The following PPFIA1 variants were observed in gnomAD, a reference collection of about 807,000 sequenced individuals.
The protein encoded by PPFIA1 is PPFI scaffold protein A1, also known as liprin-alpha-1.
A neutral mutation model predicts 149.9 loss-of-function variants in PPFIA1; 25 were observed. That is an observed-to-expected ratio of 0.17 (90% CI 0.12 to 0.23). PPFIA1 has a LOEUF of 0.23. Ranked by LOEUF, PPFIA1 falls within the 10% of genes least tolerant of loss-of-function variation. The pLI is 1.00. For missense variants in PPFIA1, 1,362 were observed against 1,506.5 expected (o/e 0.90, Z 1.59); for synonymous variants, 549 against 552.8 (o/e 0.99, Z 0.10).
chr11:70,357,262 A>G (rs1480622594), intron 19 of PPFIA1, among the ~76,000 whole-genome samples: 2 of 152,200 alleles, frequency 1.3e-5, no homozygotes, highest in African/African-American at 4.8e-5. Flanking sequence ...GCCACTTTTA[A>G]GTGCCCTGAG....
chr11:70,286,948 A>ATATACG (rs1422875471), intron 2 of PPFIA1, among the ~76,000 whole-genome samples: 1 of 141,718 alleles, frequency 7.1e-6, no homozygotes, highest in African/African-American at 3.0e-5. Flanking sequence ...ATATATACAC[A>ATATACG]TATACTATAT....
At chr11:70,304,745 C>T (rs554398181) in intron 2 of PPFIA1, among the ~76,000 whole-genome samples, 2 of 152,276 alleles carry the variant, frequency 1.3e-5, no homozygotes, top group South Asian at 4.2e-4. Flanking sequence ...CACACAGCTG[C>T]AGAACTGCAT....
chr11:70,360,285 G>A (rs1267482055), intron 19 of PPFIA1, among the ~76,000 whole-genome samples: 1 of 152,262 alleles, frequency 6.6e-6, no homozygotes, highest in Non-Finnish European at 1.5e-5. Flanking sequence ...CTAGGACAGT[G>A]TACACCAGTC....
At chr11:70,339,626 GT>G (rs11323721) in intron 14 of PPFIA1, among the ~76,000 whole-genome samples, 62,870 of 142,440 alleles carry the variant, frequency 0.44, 14,697 homozygotes, top group African/African-American at 0.64. Flanking sequence ...GGCCTCTGTA[GT>G]TTTTTTTTTT....
intron 8 of PPFIA1, among the ~76,000 whole-genome samples, chr11:70,330,794 G>A (rs541899579): frequency 1.1e-4 from 16 of 152,088 alleles, no homozygotes; most frequent in South Asian, 2.1e-4. Flanking sequence ...TAAATTAGCC[G>A]GGCATGGTGG....
At chr11:70,328,802 T>TG (rs1295416055) in intron 7 of PPFIA1, among the ~76,000 whole-genome samples, 2 of 152,238 alleles carry the variant, frequency 1.3e-5, no homozygotes, top group Non-Finnish European at 2.9e-5. Context: ...ATTGTGGTTT[T>TG]GATTGGCATT....
intron 6 of PPFIA1, 46 bp downstream of exon 6, chr11:70,326,409 C>A: frequency 6.7e-7 from 1 of 1,494,792 alleles, no homozygotes; most frequent in Non-Finnish European, 9.2e-7. Context: ...TTCATTTGTT[C>A]ACAGTATGTG....
chr11:70,377,412 G>T (rs904306991), intron 25 of PPFIA1, among the ~76,000 whole-genome samples: 1 of 152,050 alleles, frequency 6.6e-6, no homozygotes, highest in African/African-American at 2.4e-5. Context: ...CTTAAGAAAA[G>T]TTGAGTTTGA....
rs2057778880 is a variant in PPFIA1 at position 70,383,372 on chromosome 11, C to G, written c.*382C>G. On this transcript the variant is annotated 3_prime_UTR_variant, in exon 28 of 28. Coordinates refer to ENST00000253925, the MANE Select transcript of PPFIA1 (RefSeq NM_003626.5). ...GAATAGAGGGCTTTTGTAAATTATGCATTTATTGTAATTATCATTAATTTT... is the reference window on the plus strand; with the variant it reads ...GAATAGAGGGCTTTTGTAAATTATGGATTTATTGTAATTATCATTAATTTT... 5.6e-6 allele frequency: 1 copy of G among 178,244 alleles called. No individual in the cohort carries two copies. Among genetic ancestry groups the G allele is most frequent in the African/African-American group, 2.4e-5 (1 of 41,506 alleles). 11.0% of individuals were successfully genotyped at this position (178,244 alleles called of 1,614,324 possible).
At chr11:70,364,174 G>A (rs183472313) in intron 21 of PPFIA1, among the ~76,000 whole-genome samples, 1 of 152,268 alleles carries the variant, frequency 6.6e-6, no homozygotes, top group East Asian at 1.9e-4. Flanking sequence ...TGGCCTGTAG[G>A]TGTTTTCCAT....
intron 7 of PPFIA1, 134 bp from the exon 8 acceptor site, chr11:70,330,039 A>G (rs2054560492): frequency 3.9e-6 from 3 of 762,738 alleles, no homozygotes; most frequent in Non-Finnish European, 6.2e-6. Context: ...GAGCTGCTGT[A>G]TCTGGCCTGA....
chr11:70,354,212 G>T (rs113237634), intron 16 of PPFIA1, 89 bp from the exon 17 acceptor site: 11 of 1,374,828 alleles, frequency 8.0e-6, no homozygotes, highest in Middle Eastern at 1.9e-4. Flanking sequence ...ACAGCAAATC[G>T]ATTTTCAAAG....
intron 2 of PPFIA1, among the ~76,000 whole-genome samples, chr11:70,318,088 G>A (rs1407830378): frequency 6.6e-6 from 1 of 151,966 alleles, no homozygotes; most frequent in Non-Finnish European, 1.5e-5. Flanking sequence ...ACCCCATTCA[G>A]TCCGTTCTCC....
In PPFIA1 at chr11:70,332,037, A is replaced by C. The variant is rs778785947; in HGVS notation, c.1155A>C (p.Ala385=). The C allele has an allele frequency of 6.2e-6, 10 of 1,613,366 alleles. No individual in the cohort carries two copies. Among genetic ancestry groups the C allele is most frequent in the Non-Finnish European group, 8.5e-6 (10 of 1,179,678 alleles). ...AGCTGCAACAGACACTGAGGAAGGC[A>C]GAGACGCTCCCGGAGGTGGAGGCGG... The part of the protein sequence containing the change: ...EQKLQQTLRK[A]ETLPEVEAEL... The change falls in exon 9 of 28, where the codon GCA becomes GCC. Residue 385 remains alanine (A), a synonymous_variant. Coordinates refer to ENST00000253925, the MANE Select transcript of PPFIA1 (RefSeq NM_003626.5).
chr11:70,363,212 A>G (rs1024578726), intron 21 of PPFIA1: 16 of 152,266 alleles, frequency 1.1e-4, no homozygotes, highest in African/African-American at 3.9e-4. Flanking sequence ...CCTACATTGA[A>G]AAATGGGATC....
At chr11:70,336,625 G>A (rs1339700977) in intron 11 of PPFIA1, among the ~76,000 whole-genome samples, 1 of 152,030 alleles carries the variant, frequency 6.6e-6, no homozygotes, top group South Asian at 2.1e-4. Flanking sequence ...CTCTACCTTC[G>A]TTCTTTTTCA....
At chr11:70,332,807 TGTC>T (rs1185656637) in intron 9 of PPFIA1, among the ~76,000 whole-genome samples, 1 of 152,206 alleles carries the variant, frequency 6.6e-6, no homozygotes, top group Non-Finnish European at 1.5e-5. Flanking sequence ...GGCCCCTGTC[TGTC>T]GTCCTGAGTC....
chr11:70,277,037 G>GATATAT (rs1287413641), intron 2 of PPFIA1, among the ~76,000 whole-genome samples: 17 of 79,198 alleles, frequency 2.1e-4, no homozygotes, highest in African/African-American at 1.4e-3. Flanking sequence ...GTTTGATTGA[G>GATATAT]ATATATATAT....
chr11:70,346,317 G>A (rs150940335), intron 15 of PPFIA1, among the ~76,000 whole-genome samples: 16 of 152,206 alleles, frequency 1.1e-4, no homozygotes, highest in African/African-American at 3.4e-4. Flanking sequence ...GTGCTGCCAC[G>A]ACTTGCTTGT....
Sources: allele counts gnomAD v4.1 joint callset (sites outside exome capture counted in the v4.1 genomes callset), GRCh38; gene constraint gnomAD v4.1.1; transcripts MANE v1.5; gene names NCBI Gene and HGNC (gene_info 2026-07-23, HGNC 2026-07-21).